Variants in HOOK3 observed in about 807,000 individuals in gnomAD.
The protein encoded by HOOK3 is protein Hook homolog 3.
Under a neutral mutation model 116.3 loss-of-function variants are expected in HOOK3, and 24 were observed. The ratio of observed to expected loss-of-function variants is 0.21; its 90% CI spans 0.15 to 0.29. The LOEUF is 0.29. Ranked by LOEUF, HOOK3 falls within the 10% of genes least tolerant of loss-of-function variation. HOOK3 has a pLI of 1.00. For synonymous variants in HOOK3, 275 were observed against 283.0 expected (o/e 0.97, Z 0.28); for missense variants, 632 against 830.2 (o/e 0.76, Z 2.93).
At chr8:42,909,573 C>T (rs990863118) in intron 2 of HOOK3, among the ~76,000 whole-genome samples, 1 of 152,188 alleles carries the variant, frequency 6.6e-6, no homozygotes, top group Admixed American at 6.5e-5. Flanking sequence ...AGATGATCCT[C>T]CCACCATAGT....
intron 4 of HOOK3, among the ~76,000 whole-genome samples, chr8:42,931,759 C>T (rs1207877040): frequency 6.6e-6 from 1 of 150,544 alleles, no homozygotes; most frequent in East Asian, 2.0e-4. Context: ...TCTTCCCATC[C>T]CGTCCTTTCT....
intron 16 of HOOK3, among the ~76,000 whole-genome samples, chr8:42,999,879 G>T (rs545050437): frequency 6.6e-6 from 1 of 152,262 alleles, no homozygotes; most frequent in African/African-American, 2.4e-5. Flanking sequence ...GGGCACAGTG[G>T]CTCATGCCTG....
At chr8:42,949,147 G>A (rs1338644543) in intron 5 of HOOK3, among the ~76,000 whole-genome samples, 1 of 152,182 alleles carries the variant, frequency 6.6e-6, no homozygotes, top group Non-Finnish European at 1.5e-5. Flanking sequence ...ACTACCTCAA[G>A]GAGTGAGATT....
chr8:42,939,050 C>T (rs1304415720), intron 4 of HOOK3, among the ~76,000 whole-genome samples: 4 of 152,184 alleles, frequency 2.6e-5, no homozygotes, highest in Non-Finnish European at 4.4e-5. Flanking sequence ...CACAGATCAA[C>T]AGGATCCCAA....
At chr8:42,900,351 A>G (rs147659330) in intron 1 of HOOK3, among the ~76,000 whole-genome samples, 1 of 152,202 alleles carries the variant, frequency 6.6e-6, no homozygotes, top group Non-Finnish European at 1.5e-5. Context: ...AAAAGATAGC[A>G]CTTTTCCAGG....
rs1809976724 is a variant in HOOK3 at position 43,028,739 on chromosome 8, TC to T, written c.*10242del. The T allele has an allele frequency of 5.1e-6, 1 of 197,848 alleles. No homozygotes were observed. The highest frequency in any genetic ancestry group is 7.9e-5 in the East Asian group (1 of 12,696). The allele number at this position is 197,848 out of a possible 1,614,324, so 12.3% of individuals were successfully genotyped here. On this transcript the variant is annotated 3_prime_UTR_variant, in exon 22 of 22. Transcript: ENST00000307602. ...AAAGTGCTTAACATAACTAAATGGA[TC>T]TATAGTAACATGTCTAAATTTTTTA...
intron 17 of HOOK3, among the ~76,000 whole-genome samples, chr8:43,004,336 C>T (rs1434688242): frequency 6.8e-6 from 1 of 146,466 alleles, no homozygotes; most frequent in Non-Finnish European, 1.5e-5. Context: ...CACTGCACTC[C>T]AGCCTGAGCA....
intron 1 of HOOK3, among the ~76,000 whole-genome samples, chr8:42,900,260 T>A (rs1807158046): frequency 6.6e-6 from 1 of 152,158 alleles, no homozygotes; most frequent in African/African-American, 2.4e-5. Context: ...GTGCCTCCTC[T>A]CTCCACCCTC....
chr8:43,003,667 G>T (rs1467798228), intron 17 of HOOK3, among the ~76,000 whole-genome samples: 1 of 152,118 alleles, frequency 6.6e-6, no homozygotes, highest in African/African-American at 2.4e-5. Context: ...CATAGTTCTG[G>T]AGGCTAGAAG....
intron 11 of HOOK3, among the ~76,000 whole-genome samples, chr8:42,973,065 C>T (rs749435224): frequency 2.0e-5 from 3 of 152,106 alleles, no homozygotes; most frequent in Non-Finnish European, 2.9e-5. Context: ...CCTATAGATT[C>T]GTTTATGATT....
At chr8:42,985,926 A>G (rs768004019) in intron 14 of HOOK3, among the ~76,000 whole-genome samples, 5 of 152,178 alleles carry the variant, frequency 3.3e-5, no homozygotes, top group Non-Finnish European at 7.3e-5. Context: ...CTTTATCCAC[A>G]AGAAGCTTTT....
At chr8:42,911,864 A>G (rs1807437713) in intron 2 of HOOK3, among the ~76,000 whole-genome samples, 1 of 152,220 alleles carries the variant, frequency 6.6e-6, no homozygotes, top group Non-Finnish European at 1.5e-5. Flanking sequence ...TCATGAGTGT[A>G]GTTTGGGGGA....
intron 3 of HOOK3, among the ~76,000 whole-genome samples, chr8:42,927,742 C>T (rs2130360790): frequency 6.6e-6 from 1 of 152,310 alleles, no homozygotes; most frequent in Middle Eastern, 3.4e-3. Context: ...ATAGCTGGGA[C>T]TACAGGTGCA....
intron 2 of HOOK3, among the ~76,000 whole-genome samples, chr8:42,913,738 A>G (rs559005306): frequency 6.6e-6 from 1 of 152,294 alleles, no homozygotes; most frequent in Non-Finnish European, 1.5e-5. Context: ...ATTTACATCA[A>G]CAGTGTATGA....
At chr8:42,930,282 C>T (rs1807848842) in intron 4 of HOOK3, 110 bp downstream of exon 4, 6 of 977,082 alleles carry the variant, frequency 6.1e-6, no homozygotes, top group East Asian at 3.2e-5. Context: ...ATCAGTTTGT[C>T]GTTCATTTTA....
intron 4 of HOOK3, 61 bp downstream of exon 4, chr8:42,930,233 T>C (rs1325082230): frequency 3.7e-6 from 5 of 1,359,976 alleles, no homozygotes; most frequent in Non-Finnish European, 4.9e-6. Flanking sequence ...AATTTTATAA[T>C]AGTTTCAAGT....
chr8:43,013,415 C>G lies in HOOK3; in HGVS notation c.2016+15C>G. On this transcript the variant is annotated intron_variant, in intron 21 of 21. Coordinates refer to ENST00000307602, the MANE Select transcript of HOOK3 (RefSeq NM_032410.4). ...GGTACAATATGGTAAGAAAATAGTA[C>G]TTTGGAGCATAATGAAAACTTCAAT... 6.4e-7 allele frequency: 1 copy of G among 1,551,348 alleles called. No individual in the cohort carries two copies. Among genetic ancestry groups the G allele is most frequent in the Non-Finnish European group, 8.7e-7 (1 of 1,152,128 alleles).
At chr8:42,944,572 G>GC (rs200829083) in intron 5 of HOOK3, among the ~76,000 whole-genome samples, 1,959 of 152,310 alleles carry the variant, frequency 0.013, 43 homozygotes, top group African/African-American at 0.044. Flanking sequence ...TGTAATCCCA[G>GC]CACTTTGGGA....
chr8:42,976,622 G>A (rs1808834962), intron 13 of HOOK3, among the ~76,000 whole-genome samples: 1 of 152,132 alleles, frequency 6.6e-6, no homozygotes, highest in Non-Finnish European at 1.5e-5. Flanking sequence ...TCTTGGCCAG[G>A]CACAGTGGCT....
Sources: allele counts gnomAD v4.1 joint callset (sites outside exome capture counted in the v4.1 genomes callset), GRCh38; gene constraint gnomAD v4.1.1; transcripts MANE v1.5; gene names NCBI Gene and HGNC (gene_info 2026-07-23, HGNC 2026-07-21).